Variants in CFAP44 observed in about 807,000 individuals in gnomAD.
The protein encoded by CFAP44 is cilia and flagella associated protein 44.
Under a neutral mutation model 216.2 loss-of-function variants are expected in CFAP44, and 134 were observed. That is an observed-to-expected ratio of 0.62 (90% confidence interval 0.54 to 0.72). The LOEUF (loss-of-function observed/expected upper bound fraction) is 0.72, where lower values mean the gene tolerates loss of function less well. CFAP44 is among the 30% of genes least tolerant of loss of function. CFAP44 has a pLI of 0.00. For synonymous variants in CFAP44, 700 were observed against 727.6 expected (o/e 0.96, Z 0.61); for missense variants, 2,035 against 2,182.1 (o/e 0.93, Z 1.34).
chr3:113,420,297 T>C (rs1368142969), intron 4 of CFAP44, 118 bp from the exon 5 acceptor site: 2 of 1,068,742 alleles, frequency 1.9e-6, no homozygotes, highest in Non-Finnish European at 2.5e-6. Context: ...GTTGAAGTAG[T>C]TGAATTTTAC....
At chr3:113,298,895 T>C (rs1375957409) in intron 32 of CFAP44, among the ~76,000 whole-genome samples, 1 of 152,190 alleles carries the variant, frequency 6.6e-6, no homozygotes, top group Non-Finnish European at 1.5e-5. Context: ...AAAAGTGTTC[T>C]GGAGATGGAT....
Position 113,291,375 on chromosome 3 carries a change from A to G in CFAP44, c.*182T>C. On this transcript the variant is annotated 3_prime_UTR_variant, in exon 35 of 35. Coordinates refer to ENST00000393845, the MANE Select transcript of CFAP44 (RefSeq NM_001164496.2). ...TTTCATAACAGAGGTTGGGTGCTGC[A>G]GTCAGTTCTAAGATAACCAAATTGT... is the stretch of plus-strand genomic sequence containing the variant. The G allele has an allele frequency of 1.6e-6, 1 of 630,638 alleles. No homozygotes were observed. The highest frequency in any genetic ancestry group is 2.4e-5 in the South Asian group (1 of 42,014). The allele number at this position is 630,638 out of a possible 1,614,324, so 39.1% of individuals were successfully genotyped here.
rs576492667 is a variant in CFAP44 at position 113,381,301 on chromosome 3, T to C, written c.1891-241A>G. Among the ~76,000 whole-genome samples, 8 of 152,322 alleles carry C rather than the reference T, an allele frequency of 5.3e-5. No homozygotes were observed. In the South Asian group the frequency reaches 1.7e-3, roughly 32 times the overall value. On this transcript the variant is annotated intron_variant, in intron 15 of 34. Coordinates refer to ENST00000393845, the MANE Select transcript of CFAP44 (RefSeq NM_001164496.2). ...GATTAATAATTATTAAAATTAGATT[T>C]ACATTTGGTTCCTTTATAGATGCTA...
chr3:113,383,728 G>C (rs1361925283), intron 15 of CFAP44, among the ~76,000 whole-genome samples: 2 of 152,162 alleles, frequency 1.3e-5, no homozygotes, highest in Admixed American at 1.3e-4. Context: ...TGAACTCAGA[G>C]TAAAGGCTAG....
chr3:113,414,524 G>T lies in CFAP44; in HGVS notation c.673+2001C>A, dbSNP rs1934587344. 2.6e-5 allele frequency among the ~76,000 whole-genome samples: 4 copies of T among 152,206 alleles called. 1 individual carries two copies. The South Asian group carries it at 8.3e-4, about 32-fold the overall frequency. On this transcript the variant is annotated intron_variant, in intron 6 of 34. Transcript: ENST00000393845. Reference sequence around the variant, plus strand: ...TCATAAATAGCACTTATTATTTTAAGATATATTCCATCAATACCTAGTTTA... The same window carrying T: ...TCATAAATAGCACTTATTATTTTAATATATATTCCATCAATACCTAGTTTA...
In CFAP44 at chr3:113,344,713, C is replaced by A; in HGVS notation, c.3066-1G>T. 6.7e-7 allele frequency: 1 copy of A among 1,490,152 alleles called. No homozygotes were observed. The highest frequency in any genetic ancestry group is 8.9e-7 in the Non-Finnish European group (1 of 1,129,150). The allele number at this position is 1,490,152 out of a possible 1,614,324, so 92.3% of individuals were successfully genotyped here. Reference sequence around the variant, plus strand: ...ATCACTTTCCAGTGGATCTCGAAATCTGAAAAAATAAAACAAGTATTTGCA... The same window carrying A: ...ATCACTTTCCAGTGGATCTCGAAATATGAAAAAATAAAACAAGTATTTGCA... On this transcript the variant is annotated splice_acceptor_variant, in intron 22 of 34. Transcript: ENST00000393845. LOFTEE classifies it high-confidence loss of function.
chr3:113,331,688 A>C (rs1393510665), intron 25 of CFAP44, among the ~76,000 whole-genome samples: 1 of 152,218 alleles, frequency 6.6e-6, no homozygotes, highest in Non-Finnish European at 1.5e-5. Context: ...AACCCATATC[A>C]CTGATGGCTG....
intron 24 of CFAP44, among the ~76,000 whole-genome samples, chr3:113,335,934 T>C (rs1696862112): frequency 1.3e-5 from 2 of 152,358 alleles, no homozygotes; most frequent in South Asian, 4.1e-4. Context: ...AATAGGAAGA[T>C]ATTTTTTAAA....
intron 24 of CFAP44, among the ~76,000 whole-genome samples, chr3:113,341,261 C>T (rs1259632129): frequency 6.6e-6 from 1 of 152,182 alleles, no homozygotes; most frequent in Non-Finnish European, 1.5e-5. Flanking sequence ...CCACGCCTTT[C>T]GCTACCCAGC....
chr3:113,416,636 G>C lies in CFAP44; in HGVS notation c.571-9C>G, dbSNP rs1014762526. 6.3e-7 allele frequency: 1 copy of C among 1,579,746 alleles called. No homozygotes were observed. Among genetic ancestry groups the C allele is most frequent in the Admixed American group, 1.8e-5 (1 of 54,712 alleles). On this transcript the variant is annotated splice_polypyrimidine_tract_variant and intron_variant, in intron 5 of 34. Coordinates refer to ENST00000393845, the MANE Select transcript of CFAP44 (RefSeq NM_001164496.2). The stretch of plus-strand genomic sequence containing the variant: ...GTTTTATGTGGATGAACCTACAAAA[G>C]ATAAAATTTCACCAAAATATTAAAA...
In CFAP44 at chr3:113,341,875, C is replaced by G; in HGVS notation, c.3306G>C (p.Gly1102=). ...TTAGGGTTTTAGGCCGAAATTTCTT[C>G]CCTTTTTCTATTATTGATTCTTCTT... ...TIQEESIIEK[G]KKFRPKTLSE... is the part of the protein sequence containing the mutation. The change falls in exon 24 of 35, where the codon GGG becomes GGC. Residue 1102 remains glycine (G), a synonymous_variant. Coordinates refer to ENST00000393845, the MANE Select transcript of CFAP44 (RefSeq NM_001164496.2). The G allele has an allele frequency of 6.5e-7, 1 of 1,531,188 alleles. No homozygotes were observed. The highest frequency in any genetic ancestry group is 2.0e-5 in the Admixed American group (1 of 49,622). 94.9% of individuals were successfully genotyped at this position (1,531,188 alleles called of 1,614,324 possible).
intron 22 of CFAP44, among the ~76,000 whole-genome samples, chr3:113,353,957 T>C (rs1417811865): frequency 6.6e-6 from 1 of 151,982 alleles, no homozygotes; most frequent in African/African-American, 2.4e-5. Flanking sequence ...TGTGTTCCCA[T>C]AAACCTGATA....
intron 19 of CFAP44, 131 bp downstream of exon 19, chr3:113,365,905 ATAG>A (rs1354975531): frequency 5.2e-6 from 5 of 967,406 alleles, no homozygotes; most frequent in Non-Finnish European, 7.4e-6. Flanking sequence ...TCAAATTATA[ATAG>A]TAGCAGGAAG....
At chr3:113,292,072 T>C (rs986180181) in intron 34 of CFAP44, among the ~76,000 whole-genome samples, 1 of 152,192 alleles carries the variant, frequency 6.6e-6, no homozygotes, top group Non-Finnish European at 1.5e-5. Context: ...ACAGCCCATA[T>C]TTGGGTTCCC....
intron 7 of CFAP44, among the ~76,000 whole-genome samples, chr3:113,407,447 A>G (rs1172196618): frequency 6.6e-6 from 1 of 152,244 alleles, no homozygotes; most frequent in Non-Finnish European, 1.5e-5. Flanking sequence ...TGTATTAGAC[A>G]GCATAGAACA....
At chr3:113,339,138 G>A (rs1207327414) in intron 24 of CFAP44, among the ~76,000 whole-genome samples, 1 of 152,158 alleles carries the variant, frequency 6.6e-6, no homozygotes, top group East Asian at 1.9e-4. Context: ...TATCAAAAAT[G>A]AATGGTTCCT....
chr3:113,413,773 T>C (rs1232836376), intron 6 of CFAP44, among the ~76,000 whole-genome samples: 1 of 152,254 alleles, frequency 6.6e-6, no homozygotes, highest in African/African-American at 2.4e-5. Context: ...CCTTGTAGTA[T>C]AGTTTGAAGT....
intron 1 of CFAP44, among the ~76,000 whole-genome samples, chr3:113,439,992 C>T (rs912798630): frequency 7.2e-5 from 11 of 151,962 alleles, no homozygotes; most frequent in Non-Finnish European, 1.3e-4. Flanking sequence ...AAGTACAGTT[C>T]TAAGAAATTC....
chr3:113,438,636 G>C (rs1935289135), intron 1 of CFAP44, among the ~76,000 whole-genome samples: 1 of 152,214 alleles, frequency 6.6e-6, no homozygotes, highest in South Asian at 2.1e-4. Flanking sequence ...TTTCGGGTAA[G>C]AGGGTGAGCA....
Sources: gnomAD v4.1 joint callset for allele counts (sites outside exome capture counted in the v4.1 genomes callset) on GRCh38, gnomAD v4.1.1 for gene constraint, MANE v1.5 for transcripts, NCBI Gene and HGNC (gene_info 2026-07-23, HGNC 2026-07-21) for gene names.